Variants in STX11 observed in about 807,000 individuals in gnomAD.
The protein encoded by STX11 is syntaxin-11.
In STX11, 21 loss-of-function variants were observed where a neutral mutation model predicts 19.9. The observed-to-expected ratio is 1.06, with a 90% CI of 0.75 to 1.52. The LOEUF is 1.52. Ranked by LOEUF, STX11 falls within the 40% of genes most tolerant of loss-of-function variation. STX11 has a pLI of 0.00. For missense variants in STX11, 438 were observed against 405.9 expected (o/e 1.08, Z -0.68); for synonymous variants, 193 against 174.4 (o/e 1.11, Z -0.84).
rs562463156 is a variant in STX11, at chr6:144,155,948, T to C, written c.-6+5245T>C. Among the ~76,000 whole-genome samples, 2 of 26,488 alleles carry C rather than the reference T, an allele frequency of 7.6e-5. No homozygotes were observed. The highest frequency in any genetic ancestry group is 2.6e-3 in the East Asian group (2 of 762). The allele number at this position is 26,488 out of a possible 152,430, so 17.4% of individuals were successfully genotyped here. A position where few individuals can be genotyped will look rare whatever the true frequency, so the allele number is the denominator to read the frequency against. On this transcript the variant is annotated intron_variant, in intron 1 of 1. Transcript: ENST00000367568. This position sits in a 1 kb window ranked among gnomAD's most constrained non-coding sequence, Gnocchi z 4.5. The stretch of plus-strand genomic sequence containing the variant: ...ATGTGTTTTAAAATTTAATCTTTCT[T>C]TCTTTCTTTCTTTCTTTCTTTCTTT...
Position 144,167,744 on chromosome 6 carries a change from A to C in STX11, c.-6+17041A>C, listed in dbSNP as rs1226261938. Reference sequence around the variant, plus strand: ...GGTGATCATCCCATCTCAGCCTCCCAAGCAGCTGGGAATACAGGTGTACAC... The same window carrying C: ...GGTGATCATCCCATCTCAGCCTCCCCAGCAGCTGGGAATACAGGTGTACAC... On this transcript the variant is annotated intron_variant, in intron 1 of 1. Transcript: ENST00000367568. The surrounding 1 kb of genome is among the most constrained non-coding windows in gnomAD (Gnocchi z 5.0). Among the ~76,000 whole-genome samples, 1 of 151,900 alleles carries C rather than the reference A, an allele frequency of 6.6e-6. No homozygotes were observed. The highest frequency in any genetic ancestry group is 2.4e-5 in the African/African-American group (1 of 41,250).
intron 1 of STX11, among the ~76,000 whole-genome samples, chr6:144,178,194 T>C (rs1190315876): frequency 2.0e-5 from 3 of 152,216 alleles, no homozygotes; most frequent in Non-Finnish European, 2.9e-5. Context: ...AGTCACACTT[T>C]TGGGATTTAT....
rs751806887 is a variant in STX11, at chr6:144,186,717, C to G, written c.90C>G (p.His30Gln). The G allele has an allele frequency of 6.2e-7, 1 of 1,614,168 alleles. No homozygotes were observed. The highest frequency in any genetic ancestry group is 2.2e-5 in the East Asian group (1 of 44,890). Residue 30 changes from histidine (H) to glutamine (Q), a missense_variant, in exon 2 of 2, where the codon CAC becomes CAG. Transcript: ENST00000367568. ...PDGDDEFDSP[H>Q]EDIVFETDHI... ...GGGACGATGAGTTTGACTCGCCCCACGAGGACATCGTGTTCGAGACGGACC... is the reference window on the plus strand; with the variant it reads ...GGGACGATGAGTTTGACTCGCCCCAGGAGGACATCGTGTTCGAGACGGACC...
chr6:144,147,901 G>A (rs139793428), upstream of STX11, among the ~76,000 whole-genome samples: 1,692 of 152,182 alleles, frequency 0.011, 23 homozygotes, highest in Middle Eastern at 0.027. The surrounding 1 kb of genome is among the most constrained non-coding windows in gnomAD (Gnocchi z 4.2). Flanking sequence ...GTGAGCTGCT[G>A]TCTCAAAAAA....
the STX11 span, among the ~76,000 whole-genome samples, chr6:144,142,245 C>G: frequency 6.6e-6 from 1 of 151,852 alleles, no homozygotes; most frequent in African/African-American, 2.4e-5. Flanking sequence ...TATTGGTTAT[C>G]TTTAATATTG....
At chr6:144,158,174 A>G (rs1414592489) in intron 1 of STX11, among the ~76,000 whole-genome samples, 7 of 152,138 alleles carry the variant, frequency 4.6e-5, no homozygotes, top group Non-Finnish European at 8.8e-5. Flanking sequence ...GACCAACTCT[A>G]TTGAGATTTT....
rs565514392 is a variant in STX11 at position 144,188,498 on chromosome 6, C to T, written c.*1007C>T. On this transcript the variant is annotated 3_prime_UTR_variant, in exon 2 of 2. Transcript: ENST00000367568. ...ATTGGTTATGGCGGTAGACATATGG[C>T]GGTAGAAAATGTATACGGAGCTAGA... 7 of 220,068 alleles carry T rather than the reference C, an allele frequency of 3.2e-5. No homozygotes were observed. In the South Asian group the frequency reaches 5.7e-4, roughly 18 times the overall value. The allele number at this position is 220,068 out of a possible 1,614,324, so 13.6% of individuals were successfully genotyped here. A position where few individuals can be genotyped will look rare whatever the true frequency, so the allele number is the denominator to read the frequency against.
At chr6:144,144,335 T>C in the STX11 span, among the ~76,000 whole-genome samples, 4 of 152,174 alleles carry the variant, frequency 2.6e-5, no homozygotes, top group Non-Finnish European at 5.9e-5. Flanking sequence ...TATTTAAACA[T>C]GAAAATTAGA....
chr6:144,183,927 C>G lies in STX11; in HGVS notation c.-5-2696C>G, dbSNP rs1464961809. On this transcript the variant is annotated intron_variant, in intron 1 of 1. Transcript: ENST00000367568. This position sits in a 1 kb window ranked among gnomAD's most constrained non-coding sequence, Gnocchi z 4.6. Reference sequence around the variant, plus strand: ...GCCCCACTGTGCATTATTCCCCTCCCTGTGTCCAGGTGTTCTCATTGTTCA... The same window carrying G: ...GCCCCACTGTGCATTATTCCCCTCCGTGTGTCCAGGTGTTCTCATTGTTCA... 6.6e-6 allele frequency among the ~76,000 whole-genome samples: 1 copy of G among 152,172 alleles called. No individual in the cohort carries two copies. The highest frequency in any genetic ancestry group is 1.5e-5 in the Non-Finnish European group (1 of 68,038).
chr6:144,158,782 C>T (rs914224789), intron 1 of STX11, among the ~76,000 whole-genome samples: 2 of 152,224 alleles, frequency 1.3e-5, no homozygotes, highest in Admixed American at 6.5e-5. Flanking sequence ...GATTCACTGA[C>T]ATTGGCAATG....
At chr6:144,168,689 G>C (rs1801548274) in intron 1 of STX11, among the ~76,000 whole-genome samples, 2 of 152,208 alleles carry the variant, frequency 1.3e-5, no homozygotes, top group Non-Finnish European at 2.9e-5. Flanking sequence ...ATGCACAACT[G>C]TATCTTTAGT....
upstream of STX11, among the ~76,000 whole-genome samples, chr6:144,147,683 G>A (rs1800901827): frequency 6.6e-6 from 1 of 152,088 alleles, no homozygotes; most frequent in African/African-American, 2.4e-5. The surrounding 1 kb of genome is among the most constrained non-coding windows in gnomAD (Gnocchi z 4.2). Flanking sequence ...TTAATCCCCA[G>A]CAATCTTCAC....
At position 144,187,046 on chromosome 6, in the gene STX11, A is replaced by G. The variant is rs1233403643; in HGVS notation, c.419A>G (p.Gln140Arg). 3.7e-6 allele frequency: 6 copies of G among 1,613,078 alleles called. No homozygotes were observed. Among genetic ancestry groups the G allele is most frequent in the African/African-American group, 2.7e-5 (2 of 75,074 alleles). Residue 140 changes from glutamine to arginine, a missense_variant, in exon 2 of 2, where the codon CAG becomes CGG. Gln to Arg is a conservative substitution (Grantham distance 43). Transcript: ENST00000367568. This position sits in a 1 kb window ranked among gnomAD's most constrained non-coding sequence, Gnocchi z 5.6. ...AQYNALTLTF[Q>R]RAMHDYNQAE... ...TACAACGCGCTCACCCTCACCTTCC[A>G]GCGCGCCATGCACGACTACAACCAG...
intron 1 of STX11, among the ~76,000 whole-genome samples, chr6:144,158,987 G>T (rs998504071): frequency 1.3e-5 from 2 of 152,132 alleles, no homozygotes; most frequent in African/African-American, 4.8e-5. Flanking sequence ...CACCTTCCCT[G>T]CCCTGTGGCC....
Position 144,159,476 on chromosome 6 carries a change from CA to C in STX11, c.-6+8776del, listed in dbSNP as rs1562657316. Among the ~76,000 whole-genome samples, 1 of 151,764 alleles carries C rather than the reference CA, an allele frequency of 6.6e-6. No homozygotes were observed. The highest frequency in any genetic ancestry group is 1.5e-5 in the Non-Finnish European group (1 of 67,976). On this transcript the variant is annotated intron_variant, in intron 1 of 1. Coordinates refer to ENST00000367568, the MANE Select transcript of STX11 (RefSeq NM_003764.4). This position sits in a 1 kb window ranked among gnomAD's most constrained non-coding sequence, Gnocchi z 4.3. The stretch of plus-strand genomic sequence containing the variant: ...TTGGTTACAAGAGACTACTTTTTAA[CA>C]AAGGAAGATCTTTTGGTTGAGCTAG...
rs1001768016 is a variant in STX11 at position 144,155,984 on chromosome 6, T to C, written c.-6+5281T>C. Among the ~76,000 whole-genome samples, 41 of 132,796 alleles carry C rather than the reference T, an allele frequency of 3.1e-4. No individual in the cohort carries two copies. Among genetic ancestry groups the C allele is most frequent in the African/African-American group, 1.3e-3 (35 of 26,992 alleles). 87.1% of individuals were successfully genotyped at this position (132,796 alleles called of 152,430 possible). ...TTTCTTTCTTTCTTTCTTTCTTTCT[T>C]TCTTTCTTTCTTTCTTTCTTTCTTT... On this transcript the variant is annotated intron_variant, in intron 1 of 1. Transcript: ENST00000367568. The surrounding 1 kb of genome is among the most constrained non-coding windows in gnomAD (Gnocchi z 4.5).
At chr6:144,150,444 G>A, upstream of STX11, 1 of 964,038 alleles carries the variant, frequency 1.0e-6, no homozygotes, top group Non-Finnish European at 1.2e-6. Flanking sequence ...CCCCAGCGCT[G>A]TCATCCCGGG....
At chr6:144,146,223 G>A (rs1371851385), upstream of STX11, among the ~76,000 whole-genome samples, 1 of 152,138 alleles carries the variant, frequency 6.6e-6, no homozygotes, top group African/African-American at 2.4e-5. The surrounding 1 kb of genome is among the most constrained non-coding windows in gnomAD (Gnocchi z 4.4). Flanking sequence ...GATGGCCACG[G>A]CTGACAGATC....
In STX11 at chr6:144,187,426, G is replaced by C; in HGVS notation, c.799G>C (p.Val267Leu). The C allele has an allele frequency of 2.5e-6, 4 of 1,611,770 alleles. No homozygotes were observed. Among genetic ancestry groups the C allele is most frequent in the Middle Eastern group, 3.3e-4 (2 of 6,060 alleles). ...GGCCAAGGCGCAGGTGCGGAAGGCC[G>C]TGCAGTACGAGGAGAAGAACCCCTG... ...GQAKAQVRKA[V>L]QYEEKNPCRT... The change falls in exon 2 of 2, where the codon GTG (valine) becomes CTG (leucine). Residue 267 changes from valine to leucine, a missense_variant. By Grantham distance (32) the Val-to-Leu change is conservative (BLOSUM62 1). Coordinates refer to ENST00000367568, the MANE Select transcript of STX11 (RefSeq NM_003764.4). The surrounding 1 kb of genome is among the most constrained non-coding windows in gnomAD (Gnocchi z 5.6).
Sources: allele counts gnomAD v4.1 joint callset (sites outside exome capture counted in the v4.1 genomes callset), GRCh38; gene constraint gnomAD v4.1.1; non-coding constraint Gnocchi (gnomAD v3.1); transcripts MANE v1.5; gene names NCBI Gene and HGNC (gene_info 2026-07-23, HGNC 2026-07-21).